JADE1: variants seen among roughly 807,000 people sequenced by gnomAD.
JADE1 encodes the protein jade family PHD finger 1, also known as protein Jade-1.
Under a neutral mutation model 81.8 loss-of-function variants are expected in JADE1, and 14 were observed. That is an observed-to-expected ratio of 0.17 (90% CI 0.11 to 0.27). The LOEUF (loss-of-function observed/expected upper bound fraction) is 0.27, where lower values mean the gene tolerates loss of function less well. JADE1 is among the 10% of genes least tolerant of loss of function. The pLI, the probability that JADE1 is intolerant of heterozygous loss-of-function variation, is 1.00. For synonymous variants in JADE1, 353 were observed against 391.9 expected, an observed-to-expected ratio of 0.90 and a Z score of 1.17; for missense variants, 690 against 1,047.9, an observed-to-expected ratio of 0.66 and a Z score of 4.71.
At chr4:128,819,281 T>C (rs1436343385) in intron 1 of JADE1, among the ~76,000 whole-genome samples, 1 of 151,910 alleles carries the variant, frequency 6.6e-6, no homozygotes, top group African/African-American at 2.4e-5. Flanking sequence ...ATGGTGGTTT[T>C]TTTTTTGGGG....
rs1056104433 is a variant in JADE1 at position 128,873,852 on chromosome 4, G to A, written c.*1590G>A. The A allele has an allele frequency of 6.6e-6, 1 of 152,612 alleles. No individual in the cohort carries two copies. The highest frequency in any genetic ancestry group is 2.4e-5 in the African/African-American group (1 of 41,442). The allele number at this position is 152,612 out of a possible 1,614,324, so 9.5% of individuals were successfully genotyped here. A position where few individuals can be genotyped will look rare whatever the true frequency, so the allele number is the denominator to read the frequency against. On this transcript the variant is annotated 3_prime_UTR_variant, in exon 11 of 11. Transcript: ENST00000226319. Reference sequence around the variant, plus strand: ...CAGTTAACTTTCAAGTCTTCCAGATGATTGTCAACAACAAAAAAGGCTTAT... The same window carrying A: ...CAGTTAACTTTCAAGTCTTCCAGATAATTGTCAACAACAAAAAAGGCTTAT...
chr4:128,834,533 T>C (rs1012221263), intron 2 of JADE1, among the ~76,000 whole-genome samples: 9 of 143,588 alleles, frequency 6.3e-5, no homozygotes, highest in Admixed American at 2.1e-4. Flanking sequence ...AATATTTCTT[T>C]TTTTTTTTTT....
intron 1 of JADE1, among the ~76,000 whole-genome samples, chr4:128,813,747 G>T (rs1726724423): frequency 6.6e-6 from 1 of 151,940 alleles, no homozygotes; most frequent in African/African-American, 2.4e-5. Context: ...TAAATCAGAT[G>T]ACTTTCTGCT....
At chr4:128,826,894 G>GGCT (rs1728128964) in intron 1 of JADE1, among the ~76,000 whole-genome samples, 1 of 152,012 alleles carries the variant, frequency 6.6e-6, no homozygotes, top group African/African-American at 2.4e-5. Context: ...CACTACCTTG[G>GGCT]GCTTCTCTTT....
In JADE1 at chr4:128,872,642, A is replaced by G; in HGVS notation, c.*380A>G. 1.2e-5 allele frequency: 3 copies of G among 255,764 alleles called. No individual in the cohort carries two copies. Among genetic ancestry groups the G allele is most frequent in the Non-Finnish European group, 1.6e-5 (2 of 127,866 alleles). The allele number at this position is 255,764 out of a possible 1,614,324, so 15.8% of individuals were successfully genotyped here. ...GTTACCTGAATATAGGGAACCAGAT[A>G]TGGTTCTTGAGAAACCCTCATGGTA... On this transcript the variant is annotated 3_prime_UTR_variant, in exon 11 of 11. Coordinates refer to ENST00000226319, the MANE Select transcript of JADE1 (RefSeq NM_199320.4).
At chr4:128,855,383 A>G (rs1056696348) in intron 6 of JADE1, among the ~76,000 whole-genome samples, 1 of 152,218 alleles carries the variant, frequency 6.6e-6, no homozygotes, top group Non-Finnish European at 1.5e-5. Context: ...TCTGCTAAAT[A>G]AATATGTATT....
intron 1 of JADE1, among the ~76,000 whole-genome samples, chr4:128,824,268 A>AT (rs969362646): frequency 4.6e-5 from 7 of 151,482 alleles, no homozygotes; most frequent in African/African-American, 1.7e-4. Context: ...ATTACAAAAA[A>AT]ATATATATAT....
chr4:128,843,063 C>G (rs41279281), intron 3 of JADE1, 25 bp downstream of exon 3: 69 of 1,585,326 alleles, frequency 4.4e-5, no homozygotes, highest in Non-Finnish European at 5.2e-6. Context: ...CTTGCCTGAC[C>G]GTGCATGAAT....
rs778587937 is a variant in JADE1, at chr4:128,872,081, G to A, written c.2348G>A (p.Arg783Gln). The change falls in exon 11 of 11, where the codon CGA becomes CAA. Residue 783 changes from arginine to glutamine, a missense_variant. Physicochemically the swap from Arg to Gln is conservative, Grantham distance 43. Transcript: ENST00000226319. ...GACTACCCATATTTGGGCTTAGGCCGAGTTCCAGCCAAGGAAAGGGCAAAA... is the reference window on the plus strand; with the variant it reads ...GACTACCCATATTTGGGCTTAGGCCAAGTTCCAGCCAAGGAAAGGGCAAAA... ...HSDYPYLGLG[R>Q]VPAKERAKSK... The A allele has an allele frequency of 8.1e-6, 13 of 1,614,122 alleles. No homozygotes were observed. The highest frequency in any genetic ancestry group is 1.0e-5 in the Non-Finnish European group (12 of 1,180,000).
rs141360234 is a variant in JADE1, at chr4:128,827,881, A to G, written c.-26-3852A>G. ...GGATGTGTATGAAGATGCTACCCAG[A>G]GTAATATGCTGTGTTACACATATGT... On this transcript the variant is annotated intron_variant, in intron 1 of 10. Transcript: ENST00000226319. 2.5e-5 allele frequency: 25 copies of G among 985,350 alleles called. No individual in the cohort carries two copies. In the African/African-American group the frequency reaches 3.7e-4, roughly 14 times the overall value. 61.0% of individuals were successfully genotyped at this position (985,350 alleles called of 1,614,324 possible).
chr4:128,871,258 GT>G lies in JADE1; in HGVS notation c.1622-95del. 8.3e-7 allele frequency: 1 copy of G among 1,204,788 alleles called. No individual in the cohort carries two copies. Among genetic ancestry groups the G allele is most frequent in the Non-Finnish European group, 1.2e-6 (1 of 855,220 alleles). 74.6% of individuals were successfully genotyped at this position (1,204,788 alleles called of 1,614,324 possible). ...TAAGTGTTGTGTTGTTGGGTGGGGA[GT>G]TCACATCAATTGGGCCACACTAAGG... is the stretch of plus-strand genomic sequence containing the variant. On this transcript the variant is annotated intron_variant, in intron 10 of 10. Coordinates refer to ENST00000226319, the MANE Select transcript of JADE1 (RefSeq NM_199320.4). The surrounding 1 kb of genome is among the most constrained non-coding windows in gnomAD (Gnocchi z 4.1).
intron 2 of JADE1, among the ~76,000 whole-genome samples, chr4:128,834,984 T>TA (rs1728866665): frequency 5.3e-5 from 8 of 150,730 alleles, no homozygotes; most frequent in African/African-American, 1.2e-4. Flanking sequence ...CATCTCTATT[T>TA]TAAAAAAAAA....
intron 1 of JADE1, among the ~76,000 whole-genome samples, chr4:128,814,151 T>C (rs1353858760): frequency 1.3e-5 from 2 of 152,174 alleles, no homozygotes; most frequent in Non-Finnish European, 2.9e-5. Context: ...AAAGAGTAGC[T>C]ATACAGGGAC....
intron 1 of JADE1, chr4:128,816,553 T>C (rs2125790723): frequency 6.6e-6 from 1 of 152,310 alleles, no homozygotes; most frequent in East Asian, 1.9e-4. Flanking sequence ...AGCCCAGGAC[T>C]TGAATGATTA....
intron 1 of JADE1, 32 bp from the exon 2 acceptor site, chr4:128,831,701 C>T: frequency 1.3e-6 from 2 of 1,596,452 alleles, no homozygotes; most frequent in Non-Finnish European, 1.7e-6. Context: ...GTATTATCAT[C>T]TTGGGTTAAG....
chr4:128,824,069 A>G (rs1292784239), intron 1 of JADE1, among the ~76,000 whole-genome samples: 11 of 152,280 alleles, frequency 7.2e-5, no homozygotes, highest in Middle Eastern at 3.4e-3. Context: ...GTAATTTAGG[A>G]ATCAAATTAT....
chr4:128,871,539 T>C lies in JADE1; in HGVS notation c.1806T>C (p.Asn602=), dbSNP rs1732197016. Residue 602 remains asparagine (N), a synonymous_variant, in exon 11 of 11, where the codon AAT becomes AAC. Coordinates refer to ENST00000226319, the MANE Select transcript of JADE1 (RefSeq NM_199320.4). The surrounding 1 kb of genome is among the most constrained non-coding windows in gnomAD (Gnocchi z 4.1). ...CCCATAAGCGAGATCCTTTGCAGAA[T>C]AGCCCTGGAAGTGAAGGCAAAACCC... ...KKPHKRDPLQ[N]SPGSEGKTLL... 3 of 1,614,174 alleles carry C rather than the reference T, an allele frequency of 1.9e-6. No homozygotes were observed. Among genetic ancestry groups the C allele is most frequent in the South Asian group, 1.1e-5 (1 of 91,088 alleles).
intron 8 of JADE1, among the ~76,000 whole-genome samples, chr4:128,858,818 C>T (rs1190331620): frequency 1.3e-5 from 2 of 152,034 alleles, no homozygotes. Flanking sequence ...CCATGTTGGC[C>T]AGGCTGGTCT....
chr4:128,834,151 C>T (rs1423627598), intron 2 of JADE1, among the ~76,000 whole-genome samples: 2 of 152,164 alleles, frequency 1.3e-5, no homozygotes, highest in Non-Finnish European at 2.9e-5. Flanking sequence ...TATTAGTCAG[C>T]TCAGGATGCT....
Sources: allele counts gnomAD v4.1 joint callset (sites outside exome capture counted in the v4.1 genomes callset), GRCh38; gene constraint gnomAD v4.1.1; non-coding constraint Gnocchi (gnomAD v3.1); transcripts MANE v1.5; gene names NCBI Gene and HGNC (gene_info 2026-07-23, HGNC 2026-07-21).